The following MFRP variants were observed in gnomAD, a reference collection of about 807,000 sequenced individuals.
MFRP encodes membrane frizzled-related protein, also known as C1q and TNF related 5.
In MFRP, 74 loss-of-function variants were observed where a neutral mutation model predicts 65.8. The observed-to-expected ratio is 1.12, with a 90% CI of 0.93 to 1.36. The LOEUF (loss-of-function observed/expected upper bound fraction) is 1.36. Among genes scored for constraint, MFRP ranks in the 40% most tolerant of loss-of-function variants. The pLI, the probability that MFRP is intolerant of heterozygous loss-of-function variation, is 0.00. For missense variants in MFRP, 838 were observed against 736.0 expected (o/e 1.14, Z -1.60); for synonymous variants, 336 against 288.3 (o/e 1.17, Z -1.68).
Position 119,344,863 on chromosome 11 carries a change from A to G in MFRP, c.772+11T>C, listed in dbSNP as rs1040406752. On this transcript the variant is annotated intron_variant, in intron 6 of 14. Transcript: ENST00000619721. ...AGTGGACACTCAACAGGCAGGTGGG[A>G]ACACACTCACCGCGCCCAGGGGCCA... is the stretch of plus-strand genomic sequence containing the variant. The G allele has an allele frequency of 2.5e-5, 40 of 1,613,318 alleles. No individual in the cohort carries two copies. The highest frequency in any genetic ancestry group is 3.3e-5 in the Non-Finnish European group (39 of 1,179,982).
chr11:119,339,467 A>G lies in MFRP; in HGVS notation c.*1492T>C. ...CACCCACACTTGGTCCTCAGGCTCC[A>G]GCCTCACCATGGCCCCCCCCGAGAG... is the stretch of plus-strand genomic sequence containing the variant. On this transcript the variant is annotated 3_prime_UTR_variant, in exon 15 of 15. Transcript: ENST00000619721. This position sits in a 1 kb window ranked among gnomAD's most constrained non-coding sequence, Gnocchi z 5.4. The G allele has an allele frequency of 6.2e-7, 1 of 1,613,468 alleles. No individual in the cohort carries two copies. Among genetic ancestry groups the G allele is most frequent in the Non-Finnish European group, 8.5e-7 (1 of 1,179,866 alleles).
chr11:119,346,389 T>C lies in MFRP; in HGVS notation c.55-15A>G. The C allele has an allele frequency of 6.2e-7, 1 of 1,611,776 alleles. No homozygotes were observed. The highest frequency in any genetic ancestry group is 1.3e-5 in the African/African-American group (1 of 74,872). The stretch of plus-strand genomic sequence containing the variant: ...CAGAACTCGGTCTGGAAGGGGGAGA[T>C]ACTTGAGGGCTGAGGGCAGCAGTGA... On this transcript the variant is annotated splice_polypyrimidine_tract_variant and intron_variant, in intron 1 of 14. Coordinates refer to ENST00000619721, the MANE Select transcript of MFRP (RefSeq NM_031433.4).
chr11:119,342,299 C>A (rs187248253), intron 11 of MFRP, among the ~76,000 whole-genome samples: 168 of 152,294 alleles, frequency 1.1e-3, no homozygotes, highest in African/African-American at 3.8e-3. Context: ...TAAGAGGATG[C>A]CTTCATCTTT....
Position 119,341,745 on chromosome 11 carries a change from G to T in MFRP, c.1543C>A (p.His515Asn). ...KSLTSLPCYQ[H>N]FRRLLCGLLV... is the part of the protein sequence containing the mutation. ...AGCCCACACAGGAGCCTCCGGAAAT[G>T]CTGGTAGCAGGGCAGGCTTGTCAGG... Residue 515 changes from histidine (H) to asparagine (N), a missense_variant, in exon 13 of 15, where the codon CAT becomes AAT. Coordinates refer to ENST00000619721, the MANE Select transcript of MFRP (RefSeq NM_031433.4). 3 of 1,613,414 alleles carry T rather than the reference G, an allele frequency of 1.9e-6. No homozygotes were observed. The highest frequency in any genetic ancestry group is 2.5e-6 in the Non-Finnish European group (3 of 1,180,020).
intron 2 of MFRP, 37 bp downstream of exon 2, chr11:119,346,235 C>T (rs776353029): frequency 1.3e-6 from 2 of 1,576,486 alleles, no homozygotes; most frequent in Non-Finnish European, 1.7e-6. Flanking sequence ...TCCTGGGCCT[C>T]TCTGTCCTCC....
In MFRP at chr11:119,340,379, G is replaced by T. The variant is rs1193741150; in HGVS notation, c.*915C>A. 6.5e-7 allele frequency: 1 copy of T among 1,545,462 alleles called. No individual in the cohort carries two copies. Among genetic ancestry groups the T allele is most frequent in the East Asian group, 2.5e-5 (1 of 40,740 alleles). On this transcript the variant is annotated 3_prime_UTR_variant, in exon 14 of 15. Coordinates refer to ENST00000619721, the MANE Select transcript of MFRP (RefSeq NM_031433.4). ...CCGGCCGCCAGGCCCAGGAGCAGCA[G>T]GACGAGGAGTGGCCTCATAGCGCTG...
chr11:119,345,517 T>C lies in MFRP; in HGVS notation c.544A>G (p.Ile182Val). 1.9e-6 allele frequency: 3 copies of C among 1,614,084 alleles called. No homozygotes were observed. Among genetic ancestry groups the C allele is most frequent in the Non-Finnish European group, 2.5e-6 (3 of 1,180,028 alleles). The change falls in exon 5 of 15, where the codon ATA becomes GTA. Residue 182 changes from isoleucine (I) to valine (V), a missense_variant. Ile to Val is a conservative substitution (Grantham distance 29). Coordinates refer to ENST00000619721, the MANE Select transcript of MFRP (RefSeq NM_031433.4). The stretch of plus-strand genomic sequence containing the variant: ...CTGAGGGCTTCGATCTTGAGCTGTA[T>C]TGCATGGTCTGTGGCCACCTGGATA... ...WHIQVATDHA[I>V]QLKIEALSIE...
At position 119,340,739 on chromosome 11, in the gene MFRP, C is replaced by T. The variant is rs1436271797; in HGVS notation, c.*809G>A. 1 of 343,138 alleles carries T rather than the reference C, an allele frequency of 2.9e-6. No homozygotes were observed. The highest frequency in any genetic ancestry group is 7.3e-5 in the East Asian group (1 of 13,716). 21.3% of individuals were successfully genotyped at this position (343,138 alleles called of 1,614,324 possible). ...ATGGCCTCCTTCGGGGCGCTCGCTA[C>T]TCCGGACCCTCCAGTTGGTGGTGCT... On this transcript the variant is annotated 3_prime_UTR_variant, in exon 13 of 15. Transcript: ENST00000619721.
intron 7 of MFRP, 119 bp downstream of exon 7, chr11:119,344,513 G>A: frequency 6.3e-7 from 1 of 1,586,064 alleles, no homozygotes; most frequent in East Asian, 2.2e-5. Context: ...CTGGGCCAAA[G>A]AATGACTGAG....
At position 119,345,814 on chromosome 11, in the gene MFRP, T is replaced by C. The variant is rs1394629038; in HGVS notation, c.386A>G (p.Lys129Arg). The change falls in exon 4 of 15, where the codon AAA becomes AGA. Residue 129 changes from lysine to arginine, a missense_variant. Transcript: ENST00000619721. ...GCTCACGCCTGACTCCTGCTGCCCT[T>C]TAGGGGTCCCAGCTGCCTGAGAGGT... ...ITTSQAAGTP[K>R]GQQESGVSPS... 2.5e-6 allele frequency: 4 copies of C among 1,613,850 alleles called. No homozygotes were observed. The Admixed American group carries it at 6.7e-5, about 27-fold the overall frequency.
rs1314620034 is a variant in MFRP, at chr11:119,344,331, T to G, written c.959A>C (p.Gln320Pro). The change falls in exon 8 of 15, where the codon CAG becomes CCG. Residue 320 changes from glutamine (Q) to proline (P), a missense_variant. Gln to Pro is a moderately conservative substitution (Grantham distance 76). Transcript: ENST00000619721. ...GTFSTPSYLQ[Q>P]YPHQLLCTWH... ...TGTGCTTACCAGTTGGTGAGGGTAC[T>G]GCTGCAGGTAGCTGGGAGTAGAGAA... 2.5e-6 allele frequency: 4 copies of G among 1,614,046 alleles called. No individual in the cohort carries two copies. Among genetic ancestry groups the G allele is most frequent in the Non-Finnish European group, 3.4e-6 (4 of 1,179,998 alleles).
At position 119,340,769 on chromosome 11, in the gene MFRP, C is replaced by T. The variant is rs984908532; in HGVS notation, c.*779G>A. 3.7e-6 allele frequency: 1 copy of T among 269,030 alleles called. No homozygotes were observed. Among genetic ancestry groups the T allele is most frequent in the Non-Finnish European group, 7.1e-6 (1 of 140,892 alleles). 16.7% of individuals were successfully genotyped at this position (269,030 alleles called of 1,614,324 possible). On this transcript the variant is annotated 3_prime_UTR_variant, in exon 13 of 15. Transcript: ENST00000619721. ...GACCCTCCAGTTGGTGGTGCTCCAG[C>T]CCCCGCGCTTCTCCCCGGCCAGGCG...
In MFRP at chr11:119,339,822, C is replaced by T. The variant is rs1256466094; in HGVS notation, c.*1137G>A. 3 of 1,515,120 alleles carry T rather than the reference C, an allele frequency of 2.0e-6. No homozygotes were observed. Among genetic ancestry groups the T allele is most frequent in the African/African-American group, 2.8e-5 (2 of 72,416 alleles). 93.9% of individuals were successfully genotyped at this position (1,515,120 alleles called of 1,614,324 possible). A position where few individuals can be genotyped will look rare whatever the true frequency, so the allele number is the denominator to read the frequency against. ...GCGGGTCCCGCCTCTCCTCGCGGCC[C>T]GGGGTCCCCTCGAGGTCCCGGCAGT... On this transcript the variant is annotated 3_prime_UTR_variant, in exon 15 of 15. Coordinates refer to ENST00000619721, the MANE Select transcript of MFRP (RefSeq NM_031433.4). The surrounding 1 kb of genome is among the most constrained non-coding windows in gnomAD (Gnocchi z 5.4).
Position 119,339,952 on chromosome 11 carries a change from T to G in MFRP, c.*1111-104A>C. On this transcript the variant is annotated intron_variant, in intron 14 of 14. Transcript: ENST00000619721. This position sits in a 1 kb window ranked among gnomAD's most constrained non-coding sequence, Gnocchi z 5.4. ...ACCCCTCCCCGCCCCTGCCTGAGCTTCGGCCAGCGCCTCCTCCCGCACGGG... is the reference window on the plus strand; with the variant it reads ...ACCCCTCCCCGCCCCTGCCTGAGCTGCGGCCAGCGCCTCCTCCCGCACGGG... 7.3e-7 allele frequency: 1 copy of G among 1,378,544 alleles called. No individual in the cohort carries two copies. Among genetic ancestry groups the G allele is most frequent in the Non-Finnish European group, 9.4e-7 (1 of 1,060,320 alleles). 85.4% of individuals were successfully genotyped at this position (1,378,544 alleles called of 1,614,324 possible).
Position 119,339,348 on chromosome 11 carries a change from A to T in MFRP, c.*1611T>A. 6.2e-7 allele frequency: 1 copy of T among 1,612,698 alleles called. No individual in the cohort carries two copies. The highest frequency in any genetic ancestry group is 8.5e-7 in the Non-Finnish European group (1 of 1,179,220). Reference sequence around the variant, plus strand: ...AGTGGGCACTAAGCAAAGACTGGGGAGCTGTGCCAGTCGGAGTACACCAGA... The same window carrying T: ...AGTGGGCACTAAGCAAAGACTGGGGTGCTGTGCCAGTCGGAGTACACCAGA... On this transcript the variant is annotated 3_prime_UTR_variant, in exon 15 of 15. Transcript: ENST00000619721. The surrounding 1 kb of genome is among the most constrained non-coding windows in gnomAD (Gnocchi z 5.4).
intron 11 of MFRP, 69 bp from the exon 12 acceptor site, chr11:119,342,053 G>A (rs1045464602): frequency 7.5e-6 from 12 of 1,596,126 alleles, no homozygotes; most frequent in East Asian, 4.5e-5. Flanking sequence ...GCAAGTCACC[G>A]AATCGCTCGG....
In MFRP at chr11:119,345,431, G is replaced by A. The variant is rs749323383; in HGVS notation, c.630C>T (p.Gly210=). The change falls in exon 5 of 15, where the codon GGC becomes GGT. Residue 210 remains glycine (G), a synonymous_variant. Coordinates refer to ENST00000619721, the MANE Select transcript of MFRP (RefSeq NM_031433.4). ...DRLELSPEPE[G]PLLRVCGRVP... ...ACAGAGGGACCTACCTGAGGAGGGG[G>A]CCTTCAGGCTCAGGGGAGAGTTCCA... The A allele has an allele frequency of 2.5e-6, 4 of 1,613,750 alleles. No individual in the cohort carries two copies. The highest frequency in any genetic ancestry group is 1.7e-5 in the Admixed American group (1 of 60,002).
rs1049044767 is a variant in MFRP at position 119,340,032 on chromosome 11, C to G, written c.*1110+152G>C. The G allele has an allele frequency of 3.2e-6, 4 of 1,246,198 alleles. No individual in the cohort carries two copies. The East Asian group carries it at 1.2e-4, about 36-fold the overall frequency. The allele number at this position is 1,246,198 out of a possible 1,614,324, so 77.2% of individuals were successfully genotyped here. A position where few individuals can be genotyped will look rare whatever the true frequency, so the allele number is the denominator to read the frequency against. On this transcript the variant is annotated intron_variant, in intron 14 of 14. Transcript: ENST00000619721. ...ATCTGGGGGGCTGGCCAAGGGGGCT[C>G]CCGCCGCCTGGGCCCCTCCCCCGCT...
Position 119,344,876 on chromosome 11 carries a change from C to T in MFRP, c.770G>A (p.Arg257His), listed in dbSNP as rs61736238. 5.6e-3 allele frequency: 9,010 copies of T among 1,613,140 alleles called. 383 individuals are homozygous for T. The African/African-American group carries it at 0.097, about 17-fold the overall frequency. Reference protein sequence around the residue: ...HAWYQAMAPGRGSCAHDEFRC... With the variant: ...HAWYQAMAPGHGSCAHDEFRC... ...CAGGCAGGTGGGAACACACTCACCG[C>T]GCCCAGGGGCCATAGCCTGGTACCA... Residue 257 changes from arginine to histidine, a missense_variant and splice_region_variant, in exon 6 of 15, where the codon CGC (arginine) becomes CAC (histidine). By Grantham distance (29) the Arg-to-His change is conservative (BLOSUM62 0). Transcript: ENST00000619721.
Sources: allele counts gnomAD v4.1 joint callset (sites outside exome capture counted in the v4.1 genomes callset), GRCh38; gene constraint gnomAD v4.1.1; non-coding constraint Gnocchi (gnomAD v3.1); transcripts MANE v1.5; gene names NCBI Gene and HGNC (gene_info 2026-07-23, HGNC 2026-07-21).